The following RSRC1 variants were observed in gnomAD, a reference collection of about 807,000 sequenced individuals.
RSRC1 encodes the protein serine/Arginine-related protein 53.
Under a neutral mutation model 49.1 loss-of-function variants are expected in RSRC1, and 39 were observed. That is an observed-to-expected ratio of 0.79 (90% CI 0.61 to 1.04). The LOEUF (loss-of-function observed/expected upper bound fraction) is 1.04, where lower values mean the gene tolerates loss of function less well. RSRC1 is among the 50% of genes least tolerant of loss of function. The pLI is 0.00. For synonymous variants in RSRC1, 143 were observed against 130.8 expected (o/e 1.09, Z -0.63); for missense variants, 388 against 402.4 (o/e 0.96, Z 0.31).
At chr3:158,372,216 T>C (rs1164459793) in intron 6 of RSRC1, among the ~76,000 whole-genome samples, 2 of 151,868 alleles carry the variant, frequency 1.3e-5, no homozygotes, top group Non-Finnish European at 3.0e-5. Flanking sequence ...GTGTTTTTAG[T>C]GACATATTTA....
intron 3 of RSRC1, among the ~76,000 whole-genome samples, chr3:158,164,258 C>T (rs1188607242): frequency 6.6e-6 from 1 of 151,810 alleles, no homozygotes; most frequent in Non-Finnish European, 1.5e-5. Context: ...AAGCAGGAGA[C>T]ATCTATCATA....
At chr3:158,533,701 G>A (rs1202140536) in intron 7 of RSRC1, among the ~76,000 whole-genome samples, 1 of 151,578 alleles carries the variant, frequency 6.6e-6, no homozygotes, top group African/African-American at 2.4e-5. Flanking sequence ...ATGTCTTTTG[G>A]TTGGGAATTA....
At chr3:158,382,482 AG>A (rs1732754656) in intron 6 of RSRC1, among the ~76,000 whole-genome samples, 1 of 152,206 alleles carries the variant, frequency 6.6e-6, no homozygotes, top group South Asian at 2.1e-4. Flanking sequence ...TGACATCATT[AG>A]GCCATAGGAA....
At chr3:158,120,130 CT>C (rs576265863) in intron 1 of RSRC1, among the ~76,000 whole-genome samples, 272 of 152,182 alleles carry the variant, frequency 1.8e-3, no homozygotes, top group African/African-American at 6.4e-3. Context: ...CACCTGGCCA[CT>C]TTCATAGTCA....
chr3:158,208,925 T>G (rs980015285), intron 4 of RSRC1, among the ~76,000 whole-genome samples: 1 of 152,170 alleles, frequency 6.6e-6, no homozygotes, highest in Non-Finnish European at 1.5e-5. Context: ...TACCTACATC[T>G]TGATCCAAAC....
chr3:158,153,877 T>C (rs1335977003), intron 3 of RSRC1, among the ~76,000 whole-genome samples: 1 of 152,184 alleles, frequency 6.6e-6, no homozygotes, highest in Non-Finnish European at 1.5e-5. Flanking sequence ...TGATCTTAGG[T>C]AGAGTAAATT....
At position 158,459,302 on chromosome 3, in the gene RSRC1, G is replaced by A. The variant is rs188485863; in HGVS notation, c.584-1633G>A. ...AAGGATAAACTAGCATAGTGAAATA[G>A]ATAAATCAGATTTAGGCAGGCTAGT... On this transcript the variant is annotated intron_variant, in intron 6 of 9. Coordinates refer to ENST00000611884, the MANE Select transcript of RSRC1 (RefSeq NM_001271838.2). 7.8e-4 allele frequency among the ~76,000 whole-genome samples: 119 copies of A among 152,234 alleles called. 1 individual carries two copies. The highest frequency in any genetic ancestry group is 4.3e-4 in the Non-Finnish European group (29 of 67,984).
rs1715445966 is a variant in RSRC1 at position 158,123,898 on chromosome 3, A to T, written c.227A>T (p.Tyr76Phe). Residue 76 changes from tyrosine (Y) to phenylalanine (F), a missense_variant, in exon 3 of 10, where the codon TAT becomes TTT. Coordinates refer to ENST00000611884, the MANE Select transcript of RSRC1 (RefSeq NM_001271838.2). ...RRHRSSSSSS[Y>F]GSRRKRSRSR... ...CATCGATCAAGCAGTAGCTCTTCTT[A>T]TGGCTCCAGAAGGAAACGAAGTCGA... is the stretch of plus-strand genomic sequence containing the variant. 2 of 1,612,128 alleles carry T rather than the reference A, an allele frequency of 1.2e-6. No homozygotes were observed. Among genetic ancestry groups the T allele is most frequent in the African/African-American group, 1.3e-5 (1 of 74,846 alleles).
At chr3:158,425,720 G>A (rs1343474463) in intron 6 of RSRC1, among the ~76,000 whole-genome samples, 1 of 151,940 alleles carries the variant, frequency 6.6e-6, no homozygotes, top group Non-Finnish European at 1.5e-5. Context: ...GGGAGTCTAA[G>A]TCTCTTTGTA....
chr3:158,452,250 G>T (rs1346785369), intron 6 of RSRC1, among the ~76,000 whole-genome samples: 1 of 152,034 alleles, frequency 6.6e-6, no homozygotes, highest in Non-Finnish European at 1.5e-5. Flanking sequence ...ATTTTCGTGG[G>T]CCTTTCATTT....
At chr3:158,392,783 CTAACAAAG>C (rs1236608740) in intron 6 of RSRC1, among the ~76,000 whole-genome samples, 1 of 151,950 alleles carries the variant, frequency 6.6e-6, no homozygotes, top group Non-Finnish European at 1.5e-5. Context: ...ATGTGGAAAA[CTAACAAAG>C]ATATTCAGGA....
At chr3:158,384,320 T>C (rs1182555660) in intron 6 of RSRC1, among the ~76,000 whole-genome samples, 2 of 152,172 alleles carry the variant, frequency 1.3e-5, no homozygotes, top group African/African-American at 4.8e-5. Flanking sequence ...TGTCATGAGA[T>C]ATAGTGGTAA....
intron 9 of RSRC1, 113 bp from the exon 10 acceptor site, chr3:158,544,070 A>G: frequency 1.4e-6 from 1 of 690,346 alleles, no homozygotes; most frequent in Non-Finnish European, 2.5e-6. Flanking sequence ...GTTAAACAGT[A>G]TCCAAATCTT....
intron 4 of RSRC1, among the ~76,000 whole-genome samples, chr3:158,232,926 G>A (rs1175941913): frequency 6.6e-6 from 1 of 152,068 alleles, no homozygotes. Flanking sequence ...CCTTGGAGTG[G>A]TGTTGCATGA....
chr3:158,446,827 G>A (rs1321943233), intron 6 of RSRC1, among the ~76,000 whole-genome samples: 1 of 151,918 alleles, frequency 6.6e-6, no homozygotes, highest in East Asian at 1.9e-4. Flanking sequence ...TCATATGTTG[G>A]TTCCCTTTAC....
chr3:158,351,850 TA>T (rs1730892932), intron 5 of RSRC1, among the ~76,000 whole-genome samples: 1 of 148,018 alleles, frequency 6.8e-6, no homozygotes, highest in African/African-American at 2.5e-5. Flanking sequence ...AAATATATCT[TA>T]ACAGGTATAT....
At chr3:158,437,032 T>C (rs1381442102) in intron 6 of RSRC1, among the ~76,000 whole-genome samples, 1 of 36,364 alleles carries the variant, frequency 2.7e-5, no homozygotes, top group African/African-American at 1.5e-4. Context: ...GTAATTCATT[T>C]TATGGCTAGA....
chr3:158,465,586 A>G (rs1737845549), intron 7 of RSRC1, among the ~76,000 whole-genome samples: 2 of 152,176 alleles, frequency 1.3e-5, no homozygotes, highest in Admixed American at 1.3e-4. Context: ...GGTTAGGCAG[A>G]AGTAACGTGA....
intron 6 of RSRC1, among the ~76,000 whole-genome samples, chr3:158,394,504 A>T (rs1213185218): frequency 6.6e-6 from 1 of 152,150 alleles, no homozygotes; most frequent in Non-Finnish European, 1.5e-5. Flanking sequence ...TCCAGGATAC[A>T]AAATCAATGT....
Sources: allele counts gnomAD v4.1 joint callset (sites outside exome capture counted in the v4.1 genomes callset), GRCh38; gene constraint gnomAD v4.1.1; transcripts MANE v1.5; gene names NCBI Gene and HGNC (gene_info 2026-07-23, HGNC 2026-07-21).